PCSK2: variants seen among roughly 807,000 people sequenced by gnomAD.
PCSK2 encodes the protein proprotein convertase subtilisin/kexin type 2, also known as neuroendocrine convertase 2.
PCSK2 carries 14 observed loss-of-function variants against 69.7 expected under a neutral mutation model. That is an observed-to-expected ratio of 0.20 (90% CI 0.13 to 0.31). The LOEUF (loss-of-function observed/expected upper bound fraction) is 0.31. Ranked by LOEUF, PCSK2 falls within the 10% of genes least tolerant of loss-of-function variation. PCSK2 has a pLI of 1.00. For synonymous variants in PCSK2, 307 were observed against 320.7 expected (o/e 0.96, Z 0.46); for missense variants, 544 against 842.5 (o/e 0.65, Z 4.39).
At chr20:17,336,320 C>T (rs1238577485) in intron 2 of PCSK2, among the ~76,000 whole-genome samples, 2 of 152,188 alleles carry the variant, frequency 1.3e-5, no homozygotes, top group South Asian at 2.1e-4. Flanking sequence ...TTATAAAAAC[C>T]TAGTCACTCA....
At chr20:17,436,359 G>T (rs7271047) in intron 7 of PCSK2, among the ~76,000 whole-genome samples, 3,274 of 152,166 alleles carry the variant, frequency 0.022, 127 homozygotes, top group African/African-American at 0.075. Flanking sequence ...TTAAAACTTG[G>T]CTGCAGCCAA....
intron 9 of PCSK2, among the ~76,000 whole-genome samples, chr20:17,454,723 G>A (rs1464558424): frequency 1.3e-5 from 2 of 152,178 alleles, no homozygotes; most frequent in Non-Finnish European, 2.9e-5. Flanking sequence ...AGGTGGTTCA[G>A]TAGTCATGCA....
At chr20:17,319,098 G>A (rs1473514047) in intron 2 of PCSK2, among the ~76,000 whole-genome samples, 1 of 152,148 alleles carries the variant, frequency 6.6e-6, no homozygotes, top group African/African-American at 2.4e-5. Flanking sequence ...ATTGTAAATT[G>A]TAACTAATTT....
intron 5 of PCSK2, among the ~76,000 whole-genome samples, chr20:17,384,117 T>C (rs1284903723): frequency 6.6e-6 from 1 of 152,188 alleles, no homozygotes; most frequent in African/African-American, 2.4e-5. Flanking sequence ...TTGTGTCCTA[T>C]AAGCAACAAC....
chr20:17,385,694 A>G (rs1426587386), intron 5 of PCSK2, among the ~76,000 whole-genome samples: 2 of 152,176 alleles, frequency 1.3e-5, no homozygotes, highest in African/African-American at 4.8e-5. Context: ...ACAAACCAGC[A>G]TTTTATTTGG....
intron 5 of PCSK2, among the ~76,000 whole-genome samples, chr20:17,378,901 T>C (rs990563166): frequency 2.0e-5 from 3 of 152,238 alleles, no homozygotes; most frequent in Non-Finnish European, 4.4e-5. Flanking sequence ...TTCTTTGTCT[T>C]CATTATCGGT....
At chr20:17,335,016 C>T (rs779836095) in intron 2 of PCSK2, among the ~76,000 whole-genome samples, 1 of 152,286 alleles carries the variant, frequency 6.6e-6, no homozygotes, top group Admixed American at 6.5e-5. Flanking sequence ...TTTCTTCATT[C>T]GTAGAATGGT....
chr20:17,432,176 G>A (rs1473609430), intron 7 of PCSK2, among the ~76,000 whole-genome samples: 1 of 152,224 alleles, frequency 6.6e-6, no homozygotes, highest in Non-Finnish European at 1.5e-5. Flanking sequence ...GCATCTACCT[G>A]AGTTCCTCTT....
At chr20:17,471,919 C>T (rs1055060617) in intron 11 of PCSK2, among the ~76,000 whole-genome samples, 1 of 152,194 alleles carries the variant, frequency 6.6e-6, no homozygotes, top group African/African-American at 2.4e-5. Context: ...GAAACAGCTT[C>T]CAAGGTGGAG....
intron 2 of PCSK2, among the ~76,000 whole-genome samples, chr20:17,275,123 G>A (rs1355794791): frequency 3.4e-5 from 5 of 145,696 alleles, no homozygotes; most frequent in Admixed American, 6.9e-5. Context: ...AATGTTGGGC[G>A]ACTAATGAAA....
intron 11 of PCSK2, among the ~76,000 whole-genome samples, chr20:17,470,205 G>A (rs1281899242): frequency 6.6e-6 from 1 of 152,218 alleles, no homozygotes; most frequent in African/African-American, 2.4e-5. Context: ...ACTTTCTGCA[G>A]TGGTGAAAAT....
intron 8 of PCSK2, among the ~76,000 whole-genome samples, chr20:17,448,179 C>T (rs2032736372): frequency 6.6e-6 from 1 of 152,204 alleles, no homozygotes; most frequent in Non-Finnish European, 1.5e-5. Flanking sequence ...CTCTCCCAGG[C>T]TTGCCTCACC....
chr20:17,411,527 G>T (rs556290690), intron 6 of PCSK2, among the ~76,000 whole-genome samples: 1 of 152,356 alleles, frequency 6.6e-6, no homozygotes, highest in East Asian at 1.9e-4. Flanking sequence ...CTCAGACTGG[G>T]CAGAGCCCAC....
chr20:17,237,295 G>A (rs1986379997), intron 1 of PCSK2, among the ~76,000 whole-genome samples: 1 of 152,172 alleles, frequency 6.6e-6, no homozygotes, highest in Non-Finnish European at 1.5e-5. Flanking sequence ...AAAAGGAGAT[G>A]AAGGTGATCA....
intron 2 of PCSK2, among the ~76,000 whole-genome samples, chr20:17,316,524 C>G (rs1989694463): frequency 6.6e-6 from 1 of 152,156 alleles, no homozygotes; most frequent in African/African-American, 2.4e-5. Flanking sequence ...TGGACCATCT[C>G]CAAATAAACT....
chr20:17,250,369 C>T (rs749220349), intron 1 of PCSK2, among the ~76,000 whole-genome samples: 3 of 152,096 alleles, frequency 2.0e-5, no homozygotes, highest in Non-Finnish European at 4.4e-5. Context: ...AATAAATACA[C>T]GTTATGTATT....
intron 2 of PCSK2, among the ~76,000 whole-genome samples, chr20:17,356,887 C>A (rs900609106): frequency 1.3e-5 from 2 of 152,080 alleles, no homozygotes; most frequent in Admixed American, 6.5e-5. Flanking sequence ...CACAGAGGCA[C>A]CCCTAAGGCA....
At chr20:17,446,407 T>A (rs34806176) in intron 8 of PCSK2, among the ~76,000 whole-genome samples, 11,025 of 152,182 alleles carry the variant, frequency 0.072, 519 homozygotes, top group Non-Finnish European at 0.11. Context: ...AACTGACCAG[T>A]GAAAGTTCCA....
chr20:17,448,416 G>A (rs2032740172), intron 8 of PCSK2, among the ~76,000 whole-genome samples: 1 of 152,198 alleles, frequency 6.6e-6, no homozygotes, highest in Non-Finnish European at 1.5e-5. Flanking sequence ...TAAGCAATTT[G>A]TAACATTCTT....
Sources: allele counts gnomAD v4.1 joint callset (sites outside exome capture counted in the v4.1 genomes callset), GRCh38; gene constraint gnomAD v4.1.1; transcripts MANE v1.5; gene names NCBI Gene and HGNC (gene_info 2026-07-23, HGNC 2026-07-21).